RBFOX1: variants seen among roughly 807,000 people sequenced by gnomAD.
RBFOX1 encodes RNA binding fox-1 homolog 1, also known as RNA binding protein fox-1 homolog 1.
A neutral mutation model predicts 57.7 loss-of-function variants in RBFOX1; 8 were observed. The observed-to-expected ratio is 0.14, with a 90% CI of 0.08 to 0.25. RBFOX1 has a LOEUF of 0.25. Ranked by LOEUF, RBFOX1 falls within the 10% of genes least tolerant of loss-of-function variation. The pLI, the probability that RBFOX1 is intolerant of heterozygous loss-of-function variation, is 1.00. For synonymous variants in RBFOX1, 326 were observed against 222.4 expected (o/e 1.47, Z -4.15); for missense variants, 611 against 548.5 (o/e 1.11, Z -1.14).
At chr16:6,643,938 C>T (rs2098512479) in intron 2 of RBFOX1, among the ~76,000 whole-genome samples, 1 of 152,006 alleles carries the variant, frequency 6.6e-6, no homozygotes. Context: ...CCAGCCTGGC[C>T]AACATGGGGA....
intron 2 of RBFOX1, among the ~76,000 whole-genome samples, chr16:5,561,295 A>G (rs1320068290): frequency 2.6e-5 from 4 of 152,198 alleles, no homozygotes; most frequent in Non-Finnish European, 1.5e-5. Context: ...ACCTATAATT[A>G]GTTGGAATCA....
chr16:6,906,810 C>T (rs1023281090), intron 3 of RBFOX1, among the ~76,000 whole-genome samples: 10 of 151,304 alleles, frequency 6.6e-5, no homozygotes, highest in African/African-American at 2.4e-4. Flanking sequence ...GCAACCTCTA[C>T]CTCCTGGGTT....
At chr16:6,688,182 GAA>G (rs1358796683) in intron 3 of RBFOX1, among the ~76,000 whole-genome samples, 1 of 146,036 alleles carries the variant, frequency 6.8e-6, no homozygotes, top group South Asian at 2.2e-4. Context: ...AGTCATGGTG[GAA>G]AAAAAAAAAG....
chr16:6,458,818 A>T (rs2094839548), intron 2 of RBFOX1, among the ~76,000 whole-genome samples: 1 of 152,232 alleles, frequency 6.6e-6, no homozygotes, highest in African/African-American at 2.4e-5. Flanking sequence ...CAAACACATC[A>T]TATCAAATGC....
At chr16:5,345,457 C>T (rs1255553177) in intron 1 of RBFOX1, among the ~76,000 whole-genome samples, 1 of 152,228 alleles carries the variant, frequency 6.6e-6, no homozygotes, top group East Asian at 1.9e-4. Flanking sequence ...CAGCCGCTGT[C>T]CACTTCCATC....
intron 4 of RBFOX1, among the ~76,000 whole-genome samples, chr16:5,957,954 C>T (rs1052168026): frequency 5.9e-5 from 9 of 152,110 alleles, no homozygotes; most frequent in African/African-American, 2.2e-4. Context: ...CCCACCTTCC[C>T]CCCACCATCC....
At chr16:6,025,439 A>G (rs370736373) in intron 1 of RBFOX1, among the ~76,000 whole-genome samples, 3 of 152,198 alleles carry the variant, frequency 2.0e-5, no homozygotes, top group African/African-American at 2.4e-5. Flanking sequence ...ATACATCTGT[A>G]TACATTAGCC....
intron 4 of RBFOX1, among the ~76,000 whole-genome samples, chr16:7,185,428 A>T (rs895036494): frequency 5.3e-5 from 8 of 152,316 alleles, no homozygotes; most frequent in African/African-American, 1.9e-4. Context: ...ATTGGACGCC[A>T]TGGTTTTGTC....
At chr16:5,297,548 A>AT (rs1450721677) in intron 1 of RBFOX1, among the ~76,000 whole-genome samples, 4 of 152,220 alleles carry the variant, frequency 2.6e-5, no homozygotes, top group Non-Finnish European at 5.9e-5. Context: ...TTCTTTTGAG[A>AT]AATGTCTACT....
intron 9 of RBFOX1, among the ~76,000 whole-genome samples, chr16:7,603,114 T>A (rs952548590): frequency 7.9e-5 from 12 of 152,056 alleles, no homozygotes; most frequent in African/African-American, 2.9e-4. Context: ...AACGCCTACA[T>A]CAAAAAAGTA....
At chr16:5,706,759 G>A (rs536556579) in intron 3 of RBFOX1, among the ~76,000 whole-genome samples, 4 of 152,058 alleles carry the variant, frequency 2.6e-5, no homozygotes, top group African/African-American at 7.2e-5. Flanking sequence ...ATTTGTCTCC[G>A]GGGGCACCCC....
chr16:6,856,659 AT>A (rs933347950), intron 3 of RBFOX1, among the ~76,000 whole-genome samples: 2 of 152,178 alleles, frequency 1.3e-5, no homozygotes, highest in African/African-American at 4.8e-5. Context: ...ATATTTATAT[AT>A]TCCTGTATTC....
chr16:6,750,000 C>T (rs1259410133), intron 3 of RBFOX1, among the ~76,000 whole-genome samples: 10 of 152,076 alleles, frequency 6.6e-5, no homozygotes, highest in Non-Finnish European at 1.5e-5. Flanking sequence ...ATGAATTTTT[C>T]TGTCTAGCAG....
At chr16:6,061,744 C>A (rs1282907598) in intron 1 of RBFOX1, among the ~76,000 whole-genome samples, 1 of 152,170 alleles carries the variant, frequency 6.6e-6, no homozygotes, top group African/African-American at 2.4e-5. Flanking sequence ...TACACTCACA[C>A]TCATATAGCA....
intron 1 of RBFOX1, among the ~76,000 whole-genome samples, chr16:6,091,094 A>G (rs1020889452): frequency 6.6e-6 from 1 of 152,208 alleles, no homozygotes; most frequent in East Asian, 1.9e-4. Context: ...TCTTAAATAT[A>G]TAATACATTA....
chr16:5,379,298 C>G (rs747285914), intron 1 of RBFOX1, among the ~76,000 whole-genome samples: 96 of 151,426 alleles, frequency 6.3e-4, no homozygotes, highest in Non-Finnish European at 1.1e-3. Context: ...CAGTTTTTAT[C>G]GTTTTTTTTC....
At chr16:5,423,727 A>C (rs1039553046) in intron 1 of RBFOX1, among the ~76,000 whole-genome samples, 8 of 152,052 alleles carry the variant, frequency 5.3e-5, no homozygotes, top group Non-Finnish European at 1.5e-5. Flanking sequence ...TGTACCTTTG[A>C]GTGGCTCATA....
intron 4 of RBFOX1, among the ~76,000 whole-genome samples, chr16:7,190,810 G>T (rs776141736): frequency 2.6e-5 from 4 of 152,134 alleles, no homozygotes; most frequent in Non-Finnish European, 5.9e-5. Context: ...GTCATTTTTG[G>T]TAACAGTTAC....
intron 2 of RBFOX1, among the ~76,000 whole-genome samples, chr16:6,497,645 C>G (rs914964551): frequency 2.0e-5 from 3 of 152,020 alleles, no homozygotes; most frequent in Admixed American, 1.3e-4. Context: ...CAACCTCTGC[C>G]TCCCAGGTTC....
Sources: allele counts gnomAD v4.1 joint callset (sites outside exome capture counted in the v4.1 genomes callset), GRCh38; gene constraint gnomAD v4.1.1; transcripts MANE v1.5; gene names NCBI Gene and HGNC (gene_info 2026-07-23, HGNC 2026-07-21).